Variants in DRG1 observed in about 807,000 individuals in gnomAD.
DRG1 encodes the protein developmentally regulated GTP binding protein 1.
A neutral mutation model predicts 38.8 loss-of-function variants in DRG1; 19 were observed. The observed-to-expected ratio is 0.49, with a 90% CI of 0.34 to 0.72. The LOEUF (loss-of-function observed/expected upper bound fraction) is 0.72, where lower values mean the gene tolerates loss of function less well. Ranked by LOEUF, DRG1 falls within the 30% of genes least tolerant of loss-of-function variation. DRG1 has a pLI of 0.01. For missense variants in DRG1, 299 were observed against 444.8 expected (o/e 0.67, Z 2.95); for synonymous variants, 167 against 157.5 (o/e 1.06, Z -0.45).
At chr22:31,405,507 TAGAA>T (rs1325458392) in intron 3 of DRG1, among the ~76,000 whole-genome samples, 2 of 151,894 alleles carry the variant, frequency 1.3e-5, no homozygotes, top group Admixed American at 1.3e-4. Flanking sequence ...CTGCCACAGT[TAGAA>T]AGCCCTTGCC....
intron 1 of DRG1, among the ~76,000 whole-genome samples, chr22:31,400,003 C>T (rs2049951992): frequency 6.6e-6 from 1 of 152,108 alleles, no homozygotes; most frequent in South Asian, 2.1e-4. Context: ...TTAGTCCGTT[C>T]CCCCTCCCAG....
At chr22:31,427,026 GA>G (rs746829242) in intron 7 of DRG1, 33 bp from the exon 8 acceptor site, 3 of 1,612,902 alleles carry the variant, frequency 1.9e-6, no homozygotes, top group Non-Finnish European at 8.5e-7. Flanking sequence ...GATAGTCTAA[GA>G]AGGCAGTAAT....
chr22:31,420,231 CG>C (rs763597562), intron 4 of DRG1, 24 bp from the exon 5 acceptor site: 32 of 1,606,074 alleles, frequency 2.0e-5, no homozygotes, highest in Middle Eastern at 1.8e-4. Context: ...AACTTTCTTG[CG>C]TATGTTTTTT....
At chr22:31,433,436 A>G (rs1184294278) in intron 8 of DRG1, among the ~76,000 whole-genome samples, 1 of 151,804 alleles carries the variant, frequency 6.6e-6, no homozygotes, top group Admixed American at 6.6e-5. Context: ...ATGCCCAGCT[A>G]ATTTTTGTAT....
rs753188626 is a variant in DRG1 at position 31,434,020 on chromosome 22, A to G, written c.*49A>G. Reference sequence around the variant, plus strand: ...CGGACGAACCACAACAGCGTTCCCCATGATCAAGCACCCTACCCCAGTTCT... The same window carrying G: ...CGGACGAACCACAACAGCGTTCCCCGTGATCAAGCACCCTACCCCAGTTCT... On this transcript the variant is annotated 3_prime_UTR_variant, in exon 9 of 9. Transcript: ENST00000331457. The G allele has an allele frequency of 2.6e-6, 4 of 1,552,508 alleles. No homozygotes were observed. Among genetic ancestry groups the G allele is most frequent in the Non-Finnish European group, 3.5e-6 (4 of 1,128,258 alleles).
chr22:31,420,165 A>T, intron 4 of DRG1, 91 bp from the exon 5 acceptor site: 2 of 1,431,612 alleles, frequency 1.4e-6, no homozygotes, highest in South Asian at 2.7e-5. Flanking sequence ...TGACACTTAA[A>T]TGTAGGGGGA....
chr22:31,426,521 C>T (rs1347148014), intron 6 of DRG1, 94 bp from the exon 7 acceptor site: 4 of 1,103,542 alleles, frequency 3.6e-6, no homozygotes, highest in African/African-American at 1.6e-5. Context: ...CTTGGGAGCG[C>T]CAGTTGGGTC....
rs2050113205 is a variant in DRG1, at chr22:31,426,742, C to T, written c.841C>T (p.Leu281=). ...SAHHRWNFDD[L]LEKIWDYLKL... is the part of the protein sequence containing the mutation. ...CCATCACCGCTGGAATTTTGATGAC[C>T]TATTGGAAAAGATCTGGGACTATCT... is the stretch of plus-strand genomic sequence containing the variant. Residue 281 remains leucine (L), a synonymous_variant, in exon 7 of 9, where the codon CTA becomes TTA. Transcript: ENST00000331457. 1 of 1,614,120 alleles carries T rather than the reference C, an allele frequency of 6.2e-7. No individual in the cohort carries two copies. Among genetic ancestry groups the T allele is most frequent in the Non-Finnish European group, 8.5e-7 (1 of 1,180,036 alleles).
chr22:31,417,021 G>A (rs1400800744), intron 4 of DRG1, among the ~76,000 whole-genome samples: 1 of 150,788 alleles, frequency 6.6e-6, no homozygotes, highest in Non-Finnish European at 1.5e-5. Context: ...CCATGATCAT[G>A]CCACTGCACT....
chr22:31,403,307 C>A, intron 3 of DRG1, 103 bp downstream of exon 3: 2 of 1,220,388 alleles, frequency 1.6e-6, no homozygotes, highest in Non-Finnish European at 2.2e-6. Flanking sequence ...TTTGATCTAC[C>A]AGGCACTTAC....
intron 4 of DRG1, among the ~76,000 whole-genome samples, chr22:31,412,902 G>A (rs1012655063): frequency 6.6e-6 from 1 of 151,698 alleles, no homozygotes; most frequent in African/African-American, 2.4e-5. Flanking sequence ...TGCCTGGGTT[G>A]CCTTTTTTTT....
At chr22:31,415,610 C>T (rs1234403949) in intron 4 of DRG1, among the ~76,000 whole-genome samples, 1 of 152,192 alleles carries the variant, frequency 6.6e-6, no homozygotes, top group East Asian at 1.9e-4. Flanking sequence ...GATCCGCCTG[C>T]CTCGGCCTCC....
intron 8 of DRG1, among the ~76,000 whole-genome samples, chr22:31,430,493 G>A (rs1261381272): frequency 2.6e-5 from 4 of 151,228 alleles, no homozygotes; most frequent in South Asian, 2.1e-4. Flanking sequence ...TCTGCTTCCC[G>A]GGTTCACGCC....
chr22:31,412,153 G>C (rs964255358), intron 4 of DRG1, among the ~76,000 whole-genome samples: 1 of 151,292 alleles, frequency 6.6e-6, no homozygotes, highest in Non-Finnish European at 1.5e-5. Flanking sequence ...AATTAACCGG[G>C]AGTGGTGGTG....
chr22:31,432,572 C>T (rs556586784), intron 8 of DRG1, among the ~76,000 whole-genome samples: 29 of 152,064 alleles, frequency 1.9e-4, no homozygotes, highest in African/African-American at 6.3e-4. Flanking sequence ...ACTATAGGTG[C>T]GCGCTACCAC....
At chr22:31,411,530 C>CTTTTT (rs71319191) in intron 4 of DRG1, among the ~76,000 whole-genome samples, 1 of 129,802 alleles carries the variant, frequency 7.7e-6, no homozygotes, top group Non-Finnish European at 1.6e-5. Context: ...TCTGTCTTTT[C>CTTTTT]TTTTTTTTTT....
chr22:31,424,808 C>CT (rs1555899171), intron 6 of DRG1, among the ~76,000 whole-genome samples: 10 of 43,742 alleles, frequency 2.3e-4, no homozygotes, highest in Non-Finnish European at 3.2e-4. Flanking sequence ...CCGCCCCCCC[C>CT]CCCTTTTTTT....
In DRG1 at chr22:31,420,416, C is replaced by G; in HGVS notation, c.573C>G (p.Leu191=). The G allele has an allele frequency of 6.2e-7, 1 of 1,614,148 alleles. No individual in the cohort carries two copies. Among genetic ancestry groups the G allele is most frequent in the Non-Finnish European group, 8.5e-7 (1 of 1,180,020 alleles). ...AGAAGGACAAGGGAGGCATTAATCT[C>G]ACAGCCACTGTAAGTGGGGAATATG... ...FKKKDKGGIN[L]TATCPQSELD... is the part of the protein sequence containing the mutation. Residue 191 remains leucine (L), a synonymous_variant, in exon 5 of 9, where the codon CTC becomes CTG. Transcript: ENST00000331457.
At chr22:31,432,298 C>G (rs543495551) in intron 8 of DRG1, among the ~76,000 whole-genome samples, 55 of 152,000 alleles carry the variant, frequency 3.6e-4, no homozygotes, top group South Asian at 1.2e-3. Flanking sequence ...ACTGGTACAA[C>G]TCTCTTAATA....
Sources: gnomAD v4.1 joint callset for allele counts (sites outside exome capture counted in the v4.1 genomes callset) on GRCh38, gnomAD v4.1.1 for gene constraint, MANE v1.5 for transcripts, NCBI Gene and HGNC (gene_info 2026-07-23, HGNC 2026-07-21) for gene names.